CADM2: variants seen among roughly 807,000 people sequenced by gnomAD.
CADM2 encodes immunoglobulin superfamily member 4D.
A neutral mutation model predicts 49.8 loss-of-function variants in CADM2; 12 were observed. The ratio of observed to expected loss-of-function variants is 0.24; its 90% CI spans 0.15 to 0.39. The LOEUF (loss-of-function observed/expected upper bound fraction) is 0.39, where lower values mean the gene tolerates loss of function less well. Among genes scored for constraint, CADM2 ranks in the 10% least tolerant of loss-of-function variants. The pLI is 1.00. For synonymous variants in CADM2, 214 were observed against 175.4 expected (o/e 1.22, Z -1.74); for missense variants, 378 against 492.3 (o/e 0.77, Z 2.20).
intron 2 of CADM2, among the ~76,000 whole-genome samples, chr3:85,799,187 T>C (rs1422828872): frequency 6.6e-6 from 1 of 152,194 alleles, no homozygotes; most frequent in Non-Finnish European, 1.5e-5. Flanking sequence ...CGATGGGGTG[T>C]TCTAAATATA....
chr3:85,324,052 A>G (rs1376731653), intron 1 of CADM2, among the ~76,000 whole-genome samples: 1 of 152,176 alleles, frequency 6.6e-6, no homozygotes. Flanking sequence ...ATCTGTATTT[A>G]TATTTTTCGT....
At chr3:85,788,835 A>G (rs2071162258) in intron 2 of CADM2, among the ~76,000 whole-genome samples, 1 of 152,074 alleles carries the variant, frequency 6.6e-6, no homozygotes, top group African/African-American at 2.4e-5. Flanking sequence ...ATTTGAAATA[A>G]GGTTTTTAAT....
intron 1 of CADM2, among the ~76,000 whole-genome samples, chr3:85,452,648 C>G (rs536975270): frequency 6.6e-6 from 1 of 152,200 alleles, no homozygotes; most frequent in East Asian, 1.9e-4. Context: ...TGCAAATTCT[C>G]TTTCGTTTGG....
rs183686164 is a variant in CADM2 at position 85,676,101 on chromosome 3, T to A, written c.62-50421T>A. On this transcript the variant is annotated intron_variant, in intron 1 of 9. Transcript: ENST00000383699. Reference sequence around the variant, plus strand: ...TTGACACCACAGCAGATACCTCACTTTGACATCTTCCTGATTCCCATTGAT... The same window carrying A: ...TTGACACCACAGCAGATACCTCACTATGACATCTTCCTGATTCCCATTGAT... 3.5e-3 allele frequency among the ~76,000 whole-genome samples: 540 copies of A among 152,316 alleles called. 5 individuals carry two copies. The highest frequency in any genetic ancestry group is 6.0e-3 in the Non-Finnish European group (408 of 68,034).
chr3:85,156,636 G>A lies in CADM2; in HGVS notation c.61+196968G>A, dbSNP rs2040133719. 3.3e-5 allele frequency among the ~76,000 whole-genome samples: 5 copies of A among 151,480 alleles called. No homozygotes were observed. In the South Asian group the frequency reaches 8.3e-4, roughly 25 times the overall value. ...CCTAACTCATTTTATGAGGTCAGCAGCATCCTTCATGCTAAAAACTCTCAA... is the reference window on the plus strand; with the variant it reads ...CCTAACTCATTTTATGAGGTCAGCAACATCCTTCATGCTAAAAACTCTCAA... On this transcript the variant is annotated intron_variant, in intron 1 of 9. Coordinates refer to ENST00000383699, the MANE Select transcript of CADM2 (RefSeq NM_001167675.2).
At chr3:85,546,798 G>A (rs1576772099) in intron 1 of CADM2, among the ~76,000 whole-genome samples, 1 of 150,984 alleles carries the variant, frequency 6.6e-6, no homozygotes, top group South Asian at 2.1e-4. Flanking sequence ...GGCCAAAGAA[G>A]GTAAATAGCA....
At chr3:85,139,605 GATTTTATTT>G (rs1223771187) in intron 1 of CADM2, among the ~76,000 whole-genome samples, 1 of 151,696 alleles carries the variant, frequency 6.6e-6, no homozygotes, top group Non-Finnish European at 1.5e-5. Context: ...ATTCTATGTA[GATTTTATTT>G]ATAAGAACTA....
At chr3:85,654,788 C>G (rs2065147921) in intron 1 of CADM2, among the ~76,000 whole-genome samples, 1 of 152,126 alleles carries the variant, frequency 6.6e-6, no homozygotes, top group Non-Finnish European at 1.5e-5. Context: ...TGTGCATAAT[C>G]CAAGTCTAAT....
intron 3 of CADM2, among the ~76,000 whole-genome samples, chr3:85,814,179 G>A (rs2073063393): frequency 6.6e-6 from 1 of 152,060 alleles, no homozygotes; most frequent in Non-Finnish European, 1.5e-5. Flanking sequence ...CATGAGCATG[G>A]AATGTTTTTT....
intron 1 of CADM2, among the ~76,000 whole-genome samples, chr3:84,966,855 G>A (rs944702455): frequency 6.6e-6 from 1 of 151,968 alleles, no homozygotes. Flanking sequence ...TCTAGTCATA[G>A]TTAAGGAGTT....
intron 8 of CADM2, among the ~76,000 whole-genome samples, chr3:86,048,954 G>T (rs915641837): frequency 5.3e-5 from 8 of 151,972 alleles, no homozygotes; most frequent in Non-Finnish European, 8.8e-5. Flanking sequence ...CATAATCAGG[G>T]TCTCGTTTTT....
intron 1 of CADM2, among the ~76,000 whole-genome samples, chr3:85,507,920 T>G (rs576887606): frequency 2.1e-5 from 2 of 94,006 alleles, no homozygotes; most frequent in East Asian, 3.1e-3. Flanking sequence ...TTTACCTGAG[T>G]TGTAAAAAAC....
intron 8 of CADM2, chr3:86,013,660 A>G: frequency 1.2e-6 from 2 of 1,603,016 alleles, no homozygotes; most frequent in Non-Finnish European, 1.7e-6. Context: ...GCAGGGGAAG[A>G]GCACCTAACT....
intron 8 of CADM2, among the ~76,000 whole-genome samples, chr3:86,048,387 A>T (rs1736929066): frequency 6.6e-6 from 1 of 152,058 alleles, no homozygotes; most frequent in Non-Finnish European, 1.5e-5. Flanking sequence ...ATAGATTGCT[A>T]TTAAGATGTA....
intron 1 of CADM2, among the ~76,000 whole-genome samples, chr3:85,388,874 T>C (rs2034379444): frequency 6.6e-6 from 1 of 152,128 alleles, no homozygotes; most frequent in Non-Finnish European, 1.5e-5. Context: ...TTATGATATC[T>C]AAGATGTGTT....
At chr3:85,942,384 G>A (rs1233339831) in intron 7 of CADM2, among the ~76,000 whole-genome samples, 2 of 151,770 alleles carry the variant, frequency 1.3e-5, no homozygotes, top group African/African-American at 4.8e-5. Context: ...TGCATATTGT[G>A]CAGGTTAGTT....
chr3:85,691,978 G>C (rs1051324094), intron 1 of CADM2, among the ~76,000 whole-genome samples: 5 of 152,248 alleles, frequency 3.3e-5, no homozygotes, highest in Admixed American at 2.6e-4. Context: ...CCTGTTGTGG[G>C]GTGGGAGAAG....
intron 1 of CADM2, among the ~76,000 whole-genome samples, chr3:85,692,642 A>T (rs1191492394): frequency 2.0e-5 from 3 of 152,178 alleles, no homozygotes; most frequent in Non-Finnish European, 4.4e-5. Flanking sequence ...TAAAATTATC[A>T]ATTTAACTAT....
chr3:85,693,261 C>CAAGGAAGG (rs201470849), intron 1 of CADM2, among the ~76,000 whole-genome samples: 8 of 150,950 alleles, frequency 5.3e-5, no homozygotes, highest in Admixed American at 6.6e-5. Flanking sequence ...AAACAAAAAA[C>CAAGGAAGG]AAGGAAGGAA....
Sources: gnomAD v4.1 joint callset for allele counts (sites outside exome capture counted in the v4.1 genomes callset) on GRCh38, gnomAD v4.1.1 for gene constraint, MANE v1.5 for transcripts, NCBI Gene and HGNC (gene_info 2026-07-23, HGNC 2026-07-21) for gene names.